Variants in SH3TC2 observed in about 807,000 individuals in gnomAD.
The protein encoded by SH3TC2 is SH3 domain and tetratricopeptide repeats 2.
A neutral mutation model predicts 124.5 loss-of-function variants in SH3TC2; 87 were observed. The ratio of observed to expected loss-of-function variants is 0.70; its 90% CI spans 0.59 to 0.84. The LOEUF (loss-of-function observed/expected upper bound fraction) is 0.84. Among genes scored for constraint, SH3TC2 ranks in the 40% least tolerant of loss-of-function variants. SH3TC2 has a pLI of 0.00. For missense variants in SH3TC2, 1,536 were observed against 1,566.4 expected (o/e 0.98, Z 0.33); for synonymous variants, 634 against 628.5 (o/e 1.01, Z -0.13).
Position 148,994,785 on chromosome 5 carries a change from T to C in SH3TC2, c.*9926A>G, listed in dbSNP as rs1412961823. Reference sequence around the variant, plus strand: ...ATGAATAGATGGATAACCGTCTGCATCCTCTGTCCCAAAGGAGCTAAACTC... The same window carrying C: ...ATGAATAGATGGATAACCGTCTGCACCCTCTGTCCCAAAGGAGCTAAACTC... On this transcript the variant is annotated 3_prime_UTR_variant, in exon 17 of 17. Transcript: ENST00000515425. Among the ~76,000 whole-genome samples, 1 of 152,042 alleles carries C rather than the reference T, an allele frequency of 6.6e-6. No individual in the cohort carries two copies. The highest frequency in any genetic ancestry group is 1.5e-5 in the Non-Finnish European group (1 of 67,994).
Position 149,038,303 on chromosome 5 carries a change from A to G in SH3TC2, c.993T>C (p.Tyr331=), listed in dbSNP as rs1308329892. The G allele has an allele frequency of 2.5e-6, 4 of 1,613,938 alleles. No homozygotes were observed. The highest frequency in any genetic ancestry group is 1.7e-5 in the Admixed American group (1 of 60,020). ...VPTRNIDPDS[Y]SPMSRNSAFL... ...TCACTGTCAATACTCACATTGGGGA[A>G]TAAGAATCAGGATCTATGTTCCTGG... The change falls in exon 8 of 17, where the codon TAT becomes TAC. Residue 331 remains tyrosine (Y), a synonymous_variant. Coordinates refer to ENST00000515425, the MANE Select transcript of SH3TC2 (RefSeq NM_024577.4).
chr5:149,051,633 G>T (rs1485483623), intron 2 of SH3TC2, among the ~76,000 whole-genome samples: 1 of 151,962 alleles, frequency 6.6e-6, no homozygotes, highest in Non-Finnish European at 1.5e-5. Flanking sequence ...TTGATTTTTT[G>T]TTTAGGGATC....
At chr5:149,014,176 G>C (rs1753832059) in intron 12 of SH3TC2, among the ~76,000 whole-genome samples, 1 of 152,150 alleles carries the variant, frequency 6.6e-6, no homozygotes, top group Non-Finnish European at 1.5e-5. Context: ...TGGCCCACCT[G>C]CATCAGCATT....
chr5:149,047,719 G>C (rs1754488049), intron 3 of SH3TC2, 143 bp downstream of exon 3: 3 of 1,106,052 alleles, frequency 2.7e-6, no homozygotes, highest in Non-Finnish European at 4.1e-6. Context: ...AATGTGCACG[G>C]AATCTTTCAT....
At chr5:149,048,080 T>C (rs1448678213) in intron 2 of SH3TC2, 91 bp from the exon 3 acceptor site, 33 of 1,468,064 alleles carry the variant, frequency 2.2e-5, no homozygotes, top group Non-Finnish European at 2.8e-5. Flanking sequence ...CCTACATGTA[T>C]ACCTGAACCC....
chr5:149,021,780 CA>C (rs1277425412), intron 12 of SH3TC2, among the ~76,000 whole-genome samples: 2 of 149,012 alleles, frequency 1.3e-5, no homozygotes, highest in East Asian at 4.1e-4. Flanking sequence ...AAAAACAAAA[CA>C]AAAAAACTCC....
intron 1 of SH3TC2, among the ~76,000 whole-genome samples, chr5:149,061,742 G>A (rs113842513): frequency 0.012 from 1,881 of 152,216 alleles, 27 homozygotes; most frequent in African/African-American, 0.036. Context: ...CCCGATCTCC[G>A]ACCAGTGGTC....
In SH3TC2 at chr5:149,028,672, C is replaced by T. The variant is rs1561765688; in HGVS notation, c.1177+5G>A. 1 of 1,614,214 alleles carries T rather than the reference C, an allele frequency of 6.2e-7. No homozygotes were observed. ...AATGTCAGGTTCAGCATGATCGCTA[C>T]TCACCACTCAGATCATTTGGAGGAT... On this transcript the variant is annotated splice_donor_5th_base_variant and intron_variant, in intron 10 of 16. Coordinates refer to ENST00000515425, the MANE Select transcript of SH3TC2 (RefSeq NM_024577.4).
intron 12 of SH3TC2, among the ~76,000 whole-genome samples, chr5:149,024,792 G>A (rs1754036351): frequency 1.3e-5 from 2 of 152,150 alleles, no homozygotes; most frequent in African/African-American, 2.4e-5. Context: ...TCAGGTCAGT[G>A]ATTCTGCATC....
chr5:149,020,076 G>A (rs1184257215), intron 12 of SH3TC2, among the ~76,000 whole-genome samples: 4 of 150,392 alleles, frequency 2.7e-5, no homozygotes, highest in Non-Finnish European at 5.9e-5. Context: ...CACTGCCTTA[G>A]GTGGTGAAAA....
At chr5:149,034,521 C>T (rs544768625) in intron 8 of SH3TC2, 1 of 404,928 alleles carries the variant, frequency 2.5e-6, no homozygotes, top group African/African-American at 2.1e-5. Context: ...ACACCAAGTC[C>T]TGAGCAAAAT....
At position 149,040,643 on chromosome 5, in the gene SH3TC2, G is replaced by A. The variant is rs771275835; in HGVS notation, c.766C>T (p.Leu256Phe). 21 of 1,614,148 alleles carry A rather than the reference G, an allele frequency of 1.3e-5. No homozygotes were observed. Among genetic ancestry groups the A allele is most frequent in the Non-Finnish European group, 1.8e-5 (21 of 1,180,022 alleles). ...FLKNYPGSCGLSRKRDWTGSY... is the reference protein window; with the variant it reads ...FLKNYPGSCGFSRKRDWTGSY... ...CCTGTCCAATCCCTCTTCCTGGAAA[G>A]GCCACAGCTTCCTGGATAATTCTTT... Residue 256 changes from leucine (L) to phenylalanine (F), a missense_variant, in exon 7 of 17, where the codon CTT (leucine) becomes TTT (phenylalanine). Leu to Phe is a conservative substitution (Grantham distance 22, BLOSUM62 0). Transcript: ENST00000515425.
At chr5:149,044,683 C>T (rs1216600946) in intron 3 of SH3TC2, 45 bp from the exon 4 acceptor site, 3 of 1,468,878 alleles carry the variant, frequency 2.0e-6, no homozygotes, top group East Asian at 2.3e-5. Context: ...ACAGAAGTGT[C>T]CCATTAGCAA....
chr5:149,032,970 T>C (rs1470541364), intron 8 of SH3TC2, among the ~76,000 whole-genome samples: 1 of 152,220 alleles, frequency 6.6e-6, no homozygotes, highest in Non-Finnish European at 1.5e-5. Context: ...CTGGGATAAA[T>C]TGATCCCAAA....
intron 1 of SH3TC2, among the ~76,000 whole-genome samples, chr5:149,060,695 G>A (rs919742955): frequency 6.6e-6 from 1 of 152,220 alleles, no homozygotes; most frequent in Non-Finnish European, 1.5e-5. Context: ...TTAGGAGGAA[G>A]TGATGTAGGA....
chr5:149,026,330 G>A (rs180728143), intron 12 of SH3TC2: 5 of 573,676 alleles, frequency 8.7e-6, no homozygotes, highest in African/African-American at 3.8e-5. Context: ...CTATAAGATA[G>A]ATGCCATTAT....
intron 4 of SH3TC2, 95 bp from the exon 5 acceptor site, chr5:149,042,932 C>G: frequency 6.9e-7 from 1 of 1,455,950 alleles, no homozygotes; most frequent in Non-Finnish European, 9.5e-7. Context: ...GAGCTTGATT[C>G]CCAGACCACA....
In SH3TC2 at chr5:148,986,945, G is replaced by A. The variant is rs1257295469; in HGVS notation, c.*17766C>T. ...ATATCAAGAATTCCAAGGAGAGGCA[G>A]AGTTTTCAAAGACTCCAGTTCAATG... On this transcript the variant is annotated 3_prime_UTR_variant, in exon 17 of 17. Coordinates refer to ENST00000515425, the MANE Select transcript of SH3TC2 (RefSeq NM_024577.4). Among the ~76,000 whole-genome samples, 1 of 152,232 alleles carries A rather than the reference G, an allele frequency of 6.6e-6. No homozygotes were observed. The highest frequency in any genetic ancestry group is 1.5e-5 in the Non-Finnish European group (1 of 68,044).
chr5:149,035,271 A>G (rs186891123), intron 8 of SH3TC2: 32 of 152,292 alleles, frequency 2.1e-4, no homozygotes, highest in Middle Eastern at 6.8e-3. Flanking sequence ...CTTTTTTCCT[A>G]TGTTCTTTTT....
Sources: allele counts gnomAD v4.1 joint callset (sites outside exome capture counted in the v4.1 genomes callset), GRCh38; gene constraint gnomAD v4.1.1; transcripts MANE v1.5; gene names NCBI Gene and HGNC (gene_info 2026-07-23, HGNC 2026-07-21).